The following KLHL29 variants were observed in gnomAD, a reference collection of about 807,000 sequenced individuals.
KLHL29 encodes the protein kelch like family member 29.
Under a neutral mutation model 80.4 loss-of-function variants are expected in KLHL29, and 21 were observed. The ratio of observed to expected loss-of-function variants is 0.26; its 90% CI spans 0.19 to 0.38. The LOEUF (loss-of-function observed/expected upper bound fraction) is 0.38, where lower values mean the gene tolerates loss of function less well. KLHL29 is among the 10% of genes least tolerant of loss of function. The pLI is 1.00. For missense variants in KLHL29, 867 were observed against 1,223.9 expected, an observed-to-expected ratio of 0.71 and a Z score of 4.35; for synonymous variants, 511 against 526.8, an observed-to-expected ratio of 0.97 and a Z score of 0.41.
At position 23,539,431 on chromosome 2, in the gene KLHL29, C is replaced by CTTTTTTTTTTT. The variant is rs1666768797; in HGVS notation, c.-45-22721_-45-22720insTTTTTTTTTTT. Among the ~76,000 whole-genome samples the CTTTTTTTTTTT allele has an allele frequency of 1.2e-4, 13 of 107,216 alleles. 6 individuals carry two copies. Among genetic ancestry groups the CTTTTTTTTTTT allele is most frequent in the African/African-American group, 7.1e-5 (2 of 28,106 alleles). The allele number at this position is 107,216 out of a possible 152,430, so 70.3% of individuals were successfully genotyped here. ...ATGCTTTGCTAGCCTTATCCTGCCTCCTTTTTTTTTTTTTTTTTTTTTTTT... is the reference window on the plus strand; with the variant it reads ...ATGCTTTGCTAGCCTTATCCTGCCTCTTTTTTTTTTTCTTTTTTTTTTTTTTTTTTTTTTTT... On this transcript the variant is annotated intron_variant, in intron 2 of 13. Coordinates refer to ENST00000486442, the MANE Select transcript of KLHL29 (RefSeq NM_052920.2).
At chr2:23,452,986 GTTTC>G (rs1558343668) in intron 1 of KLHL29, among the ~76,000 whole-genome samples, 1 of 151,718 alleles carries the variant, frequency 6.6e-6, no homozygotes, top group African/African-American at 2.4e-5. Context: ...TGGGACTGTG[GTTTC>G]TTTGTGTGTT....
intron 2 of KLHL29, among the ~76,000 whole-genome samples, chr2:23,477,565 GGA>G (rs1664673526): frequency 6.6e-6 from 1 of 152,282 alleles, no homozygotes; most frequent in African/African-American, 2.4e-5. Context: ...GGCAGCCAGA[GGA>G]GAGGTGGGTT....
intron 5 of KLHL29, among the ~76,000 whole-genome samples, chr2:23,665,046 G>A (rs1308814702): frequency 1.3e-5 from 2 of 152,258 alleles, no homozygotes; most frequent in Non-Finnish European, 2.9e-5. Flanking sequence ...ACGTGCCTGG[G>A]TGGTGACTCG....
At chr2:23,592,863 G>A (rs1668303017) in intron 3 of KLHL29, among the ~76,000 whole-genome samples, 2 of 152,174 alleles carry the variant, frequency 1.3e-5, no homozygotes, top group South Asian at 4.1e-4. Context: ...CTCCCTGCAG[G>A]CACGTTGGTC....
At chr2:23,490,994 G>T (rs1665084253) in intron 2 of KLHL29, among the ~76,000 whole-genome samples, 1 of 152,042 alleles carries the variant, frequency 6.6e-6, no homozygotes, top group African/African-American at 2.4e-5. Context: ...GGATGCATGT[G>T]CAGAACATGC....
Position 23,385,290 on chromosome 2 carries a change from T to TCCAGCC in KLHL29, c.-641_-636dup, listed in dbSNP as rs1162420746. 7 of 141,640 alleles carry TCCAGCC rather than the reference T, an allele frequency of 4.9e-5. No individual in the cohort carries two copies. Among genetic ancestry groups the TCCAGCC allele is most frequent in the South Asian group, 1.8e-4 (1 of 5,422 alleles). The allele number at this position is 141,640 out of a possible 1,614,324, so 8.8% of individuals were successfully genotyped here. A position where few individuals can be genotyped will look rare whatever the true frequency, so the allele number is the denominator to read the frequency against. ...CCGCCACCGCGGATCTCGCCGCAGC[T>TCCAGCC]CCAGCCCCGGCCCCGGCTCCGCAGC... On this transcript the variant is annotated 5_prime_UTR_variant, in exon 1 of 14. Coordinates refer to ENST00000486442, the MANE Select transcript of KLHL29 (RefSeq NM_052920.2).
At chr2:23,543,043 G>A (rs1666879743) in intron 2 of KLHL29, among the ~76,000 whole-genome samples, 2 of 152,194 alleles carry the variant, frequency 1.3e-5, no homozygotes, top group African/African-American at 4.8e-5. Context: ...CACGGTGTGG[G>A]ATGGGTCAGT....
intron 1 of KLHL29, among the ~76,000 whole-genome samples, chr2:23,423,395 T>C (rs920273): frequency 0.5 from 76,791 of 152,124 alleles, 21,409 homozygotes; most frequent in African/African-American, 0.76. Flanking sequence ...CGCCCTGCCC[T>C]GAGAGCTGCC....
At chr2:23,652,098 A>G (rs1486655094) in intron 5 of KLHL29, among the ~76,000 whole-genome samples, 2 of 152,230 alleles carry the variant, frequency 1.3e-5, no homozygotes, top group African/African-American at 4.8e-5. Context: ...CACAGTTCCC[A>G]TGTAGTTACA....
intron 5 of KLHL29, chr2:23,667,369 C>T (rs1191799087): frequency 6.6e-6 from 1 of 152,154 alleles, no homozygotes; most frequent in Non-Finnish European, 1.5e-5. Flanking sequence ...ACTCTTGAAT[C>T]AGAAACTTGT....
intron 2 of KLHL29, among the ~76,000 whole-genome samples, chr2:23,558,733 C>T (rs1163226127): frequency 6.6e-6 from 1 of 152,242 alleles, no homozygotes; most frequent in Non-Finnish European, 1.5e-5. Context: ...ACTCCAGCAC[C>T]TACGTGGAAC....
chr2:23,662,215 A>G (rs1263349850), intron 5 of KLHL29, among the ~76,000 whole-genome samples: 2 of 152,208 alleles, frequency 1.3e-5, no homozygotes, highest in African/African-American at 2.4e-5. Context: ...ATCAGCTTCA[A>G]TGGTCTTAAC....
intron 1 of KLHL29, 118 bp from the exon 2 acceptor site, chr2:23,475,442 G>C (rs957873742): frequency 1.6e-5 from 2 of 127,166 alleles, no homozygotes; most frequent in Non-Finnish European, 3.4e-5. Context: ...AGTTAGTGTG[G>C]GGACCACCCA....
At chr2:23,468,913 G>A (rs1664422375) in intron 1 of KLHL29, among the ~76,000 whole-genome samples, 1 of 152,228 alleles carries the variant, frequency 6.6e-6, no homozygotes, top group South Asian at 2.1e-4. Context: ...TCTTTCCTGG[G>A]TGCGAGTTTC....
intron 3 of KLHL29, among the ~76,000 whole-genome samples, chr2:23,622,375 T>C (rs906777007): frequency 1.3e-5 from 2 of 152,158 alleles, no homozygotes; most frequent in South Asian, 4.1e-4. Context: ...GCCACCACCA[T>C]CCCGCTCACA....
intron 1 of KLHL29, among the ~76,000 whole-genome samples, chr2:23,415,313 C>CAGGG (rs1198448973): frequency 1.1e-4 from 17 of 152,330 alleles, no homozygotes; most frequent in African/African-American, 4.1e-4. Flanking sequence ...AGACACAAGG[C>CAGGG]AGGGGCTCAG....
At chr2:23,601,891 T>C (rs372649872) in intron 3 of KLHL29, among the ~76,000 whole-genome samples, 26 of 152,212 alleles carry the variant, frequency 1.7e-4, no homozygotes, top group African/African-American at 5.5e-4. Context: ...CCCTCCGCAG[T>C]GTGGGGGTGG....
At chr2:23,566,587 A>C (rs1572405391) in intron 3 of KLHL29, among the ~76,000 whole-genome samples, 1 of 152,234 alleles carries the variant, frequency 6.6e-6, no homozygotes, top group East Asian at 1.9e-4. Context: ...ATAGGTGAGA[A>C]AATTTAAGCC....
chr2:23,490,119 C>T (rs563229813), intron 2 of KLHL29, among the ~76,000 whole-genome samples: 103 of 152,246 alleles, frequency 6.8e-4, no homozygotes, highest in Non-Finnish European at 1.4e-3. Flanking sequence ...CATACATTCT[C>T]TGGAGGATTC....
Sources: gnomAD v4.1 joint callset for allele counts (sites outside exome capture counted in the v4.1 genomes callset) on GRCh38, gnomAD v4.1.1 for gene constraint, MANE v1.5 for transcripts, NCBI Gene and HGNC (gene_info 2026-07-23, HGNC 2026-07-21) for gene names.